The following SGCZ variants were observed in gnomAD, a reference collection of about 807,000 sequenced individuals.
SGCZ encodes the protein sarcoglycan zeta, also known as zeta-sarcoglycan.
SGCZ carries 40 observed loss-of-function variants against 41.3 expected under a neutral mutation model. That is an observed-to-expected ratio of 0.97 (90% CI 0.75 to 1.26). SGCZ has a LOEUF of 1.26. SGCZ is among the 50% of genes most tolerant of loss of function. The pLI, the probability that SGCZ is intolerant of heterozygous loss-of-function variation, is 0.00. For missense variants in SGCZ, 552 were observed against 369.8 expected, an observed-to-expected ratio of 1.49 and a Z score of -4.04; for synonymous variants, 206 against 137.5, an observed-to-expected ratio of 1.50 and a Z score of -3.49.
At chr8:14,650,553 G>A (rs982449070) in intron 1 of SGCZ, among the ~76,000 whole-genome samples, 5 of 151,388 alleles carry the variant, frequency 3.3e-5, no homozygotes, top group Admixed American at 3.3e-4. Context: ...TTCCCTCTTT[G>A]TGTCCACGTG....
At chr8:14,447,288 G>T (rs76502109) in intron 2 of SGCZ, among the ~76,000 whole-genome samples, 1 of 152,106 alleles carries the variant, frequency 6.6e-6, no homozygotes, top group Non-Finnish European at 1.5e-5. Context: ...AAGTTGCTGG[G>T]ATTTCCATGG....
chr8:14,399,153 A>C (rs189880409), intron 2 of SGCZ, among the ~76,000 whole-genome samples: 84 of 152,282 alleles, frequency 5.5e-4, no homozygotes, highest in African/African-American at 2.0e-3. Flanking sequence ...AAGGCATTTC[A>C]GAATTTAAAA....
chr8:14,540,347 A>C (rs1803426716), intron 2 of SGCZ, among the ~76,000 whole-genome samples: 1 of 148,018 alleles, frequency 6.8e-6, no homozygotes, highest in Non-Finnish European at 1.5e-5. Flanking sequence ...ATTAATATCT[A>C]CTATGAGAAT....
intron 1 of SGCZ, among the ~76,000 whole-genome samples, chr8:15,200,795 C>T (rs1021916338): frequency 6.6e-6 from 1 of 152,096 alleles, no homozygotes; most frequent in South Asian, 2.1e-4. Context: ...AGACACAAAC[C>T]CACGTCTGCC....
chr8:15,166,765 T>C (rs919020224), intron 1 of SGCZ, among the ~76,000 whole-genome samples: 10 of 150,512 alleles, frequency 6.6e-5, no homozygotes, highest in African/African-American at 2.5e-4. Flanking sequence ...CACAGACAAT[T>C]GTTGTCTTGT....
chr8:14,495,240 G>A (rs1801956977), intron 2 of SGCZ, among the ~76,000 whole-genome samples: 1 of 152,124 alleles, frequency 6.6e-6, no homozygotes, highest in East Asian at 1.9e-4. Flanking sequence ...TGAAAAGCTG[G>A]AGTGTTAAAT....
intron 3 of SGCZ, among the ~76,000 whole-genome samples, chr8:14,245,853 T>C (rs1010432871): frequency 1.3e-4 from 20 of 152,214 alleles, no homozygotes; most frequent in African/African-American, 4.8e-4. Flanking sequence ...AAAATGCTCA[T>C]CATCACTGGC....
intron 6 of SGCZ, 46 bp downstream of exon 6, chr8:14,108,117 C>G (rs1585140910): frequency 6.4e-7 from 1 of 1,552,920 alleles, no homozygotes; most frequent in African/African-American, 1.4e-5. Flanking sequence ...TAAGGATTAT[C>G]AACAATGATG....
Position 14,086,955 on chromosome 8 carries a change from A to G in SGCZ, c.*3488T>C, listed in dbSNP as rs1252024284. Among the ~76,000 whole-genome samples, 2 of 151,694 alleles carry G rather than the reference A, an allele frequency of 1.3e-5. No individual in the cohort carries two copies. The highest frequency in any genetic ancestry group is 3.9e-4 in the East Asian group (2 of 5,152). On this transcript the variant is annotated 3_prime_UTR_variant, in exon 8 of 8. Transcript: ENST00000382080. ...AGTTTGATATACCCCTCTCACAGAT[A>G]AGTGAACTGTGACCAACGTAATTAA... is the stretch of plus-strand genomic sequence containing the variant.
intron 1 of SGCZ, among the ~76,000 whole-genome samples, chr8:14,751,762 A>G (rs914869243): frequency 5.3e-5 from 8 of 151,960 alleles, no homozygotes; most frequent in African/African-American, 1.7e-4. Context: ...GTTAGCCAGG[A>G]TGGTCTTGAT....
chr8:14,124,388 C>T (rs1188012000), intron 5 of SGCZ, among the ~76,000 whole-genome samples: 1 of 151,930 alleles, frequency 6.6e-6, no homozygotes, highest in African/African-American at 2.4e-5. Flanking sequence ...TGAAACACAC[C>T]CACACAAGAC....
At chr8:15,092,373 A>G (rs1806186196) in intron 1 of SGCZ, among the ~76,000 whole-genome samples, 1 of 152,222 alleles carries the variant, frequency 6.6e-6, no homozygotes, top group Non-Finnish European at 1.5e-5. Flanking sequence ...GATGTTTAAT[A>G]GTTACATATA....
intron 4 of SGCZ, among the ~76,000 whole-genome samples, chr8:14,216,861 CA>C (rs1806010674): frequency 6.6e-6 from 1 of 152,114 alleles, no homozygotes; most frequent in Non-Finnish European, 1.5e-5. Flanking sequence ...ACATTGTATT[CA>C]GCAAAATAAG....
chr8:14,607,175 A>C (rs904466156), intron 1 of SGCZ, among the ~76,000 whole-genome samples: 7 of 152,130 alleles, frequency 4.6e-5, no homozygotes, highest in Admixed American at 3.3e-4. Context: ...CAAAACCATA[A>C]ATTTATACAT....
At chr8:14,731,633 C>G (rs1810242509) in intron 1 of SGCZ, among the ~76,000 whole-genome samples, 1 of 152,124 alleles carries the variant, frequency 6.6e-6, no homozygotes, top group Non-Finnish European at 1.5e-5. Context: ...TTTCTTCTCC[C>G]TTGCTCTGTG....
chr8:14,381,341 A>C (rs545808002), intron 2 of SGCZ, among the ~76,000 whole-genome samples: 1 of 152,326 alleles, frequency 6.6e-6, no homozygotes, highest in Non-Finnish European at 1.5e-5. Flanking sequence ...AACCTTCTAC[A>C]ATCAGAAATT....
intron 1 of SGCZ, among the ~76,000 whole-genome samples, chr8:15,013,769 T>C (rs982729029): frequency 6.6e-6 from 1 of 152,208 alleles, no homozygotes; most frequent in Non-Finnish European, 1.5e-5. Flanking sequence ...ATATGCTTAA[T>C]GAATAGTAGT....
chr8:15,108,465 A>G (rs1806918339), intron 1 of SGCZ, among the ~76,000 whole-genome samples: 1 of 152,214 alleles, frequency 6.6e-6, no homozygotes, highest in African/African-American at 2.4e-5. Context: ...AATCAAGTGG[A>G]TTTTGAATGC....
At chr8:14,153,326 A>T (rs1803767412) in intron 5 of SGCZ, among the ~76,000 whole-genome samples, 1 of 152,160 alleles carries the variant, frequency 6.6e-6, no homozygotes, top group African/African-American at 2.4e-5. Flanking sequence ...CTCGGTCTGT[A>T]AGCCTATTCA....
Sources: gnomAD v4.1 joint callset for allele counts (sites outside exome capture counted in the v4.1 genomes callset) on GRCh38, gnomAD v4.1.1 for gene constraint, MANE v1.5 for transcripts, NCBI Gene and HGNC (gene_info 2026-07-23, HGNC 2026-07-21) for gene names.